The following TMC5 variants were observed in gnomAD, a reference collection of about 807,000 sequenced individuals.
TMC5 encodes transmembrane channel-like protein 5.
A neutral mutation model predicts 110.5 loss-of-function variants in TMC5; 86 were observed. That is an observed-to-expected ratio of 0.78 (90% confidence interval 0.65 to 0.93). The LOEUF (loss-of-function observed/expected upper bound fraction) is 0.93. Among genes scored for constraint, TMC5 ranks in the 40% least tolerant of loss-of-function variants. TMC5 has a pLI of 0.00. For missense variants in TMC5, 1,144 were observed against 1,222.8 expected, an observed-to-expected ratio of 0.94 and a Z score of 0.96; for synonymous variants, 455 against 439.5, an observed-to-expected ratio of 1.04 and a Z score of -0.44.
chr16:19,473,592 A>G (rs1391301029), intron 11 of TMC5, among the ~76,000 whole-genome samples: 1 of 152,122 alleles, frequency 6.6e-6, no homozygotes, highest in Non-Finnish European at 1.5e-5. Flanking sequence ...CCAATCTGCC[A>G]CTTCCTTGCT....
rs191743452 is a variant in TMC5 at position 19,424,491 on chromosome 16, A to T, written c.-307-5922A>T. On this transcript the variant is annotated intron_variant, in intron 1 of 21. Transcript: ENST00000542583. ...CATGGCAGAAACCCGTCTACAAAAA[A>T]TACGAAAATTAGACGGGCACGGTGG... Among the ~76,000 whole-genome samples, 475 of 152,270 alleles carry T rather than the reference A, an allele frequency of 3.1e-3. 2 individuals are homozygous for T. Among genetic ancestry groups the T allele is most frequent in the African/African-American group, 0.011 (438 of 41,566 alleles).
intron 19 of TMC5, among the ~76,000 whole-genome samples, chr16:19,492,926 A>ATATC (rs1968947245): frequency 8.8e-6 from 1 of 114,212 alleles, no homozygotes; most frequent in South Asian, 3.5e-4. Flanking sequence ...ATATATATAT[A>ATATC]TATATATCTC....
chr16:19,466,543 G>T (rs1160498560), intron 9 of TMC5, among the ~76,000 whole-genome samples: 1 of 152,114 alleles, frequency 6.6e-6, no homozygotes, highest in African/African-American at 2.4e-5. Flanking sequence ...ATAGAGATGG[G>T]GTTTGACCAT....
upstream of TMC5, among the ~76,000 whole-genome samples, chr16:19,417,130 G>T (rs576473144): frequency 7.2e-6 from 1 of 138,454 alleles, no homozygotes; most frequent in Non-Finnish European, 1.6e-5. Context: ...AAAGAAAAAC[G>T]TGTCCAGGCC....
At chr16:19,434,005 A>T (rs1322428901) in intron 2 of TMC5, among the ~76,000 whole-genome samples, 1 of 83,598 alleles carries the variant, frequency 1.2e-5, no homozygotes, top group Non-Finnish European at 2.2e-5. Context: ...TATATATATT[A>T]TATATATAAT....
At chr16:19,472,356 C>A in intron 11 of TMC5, 113 bp downstream of exon 11, 1 of 1,181,196 alleles carries the variant, frequency 8.5e-7, no homozygotes, top group South Asian at 1.4e-5. Context: ...CCAGCAGCAT[C>A]AGCACTAGCA....
intron 3 of TMC5, among the ~76,000 whole-genome samples, chr16:19,441,106 A>G (rs1184948948): frequency 5.3e-5 from 8 of 152,160 alleles, no homozygotes; most frequent in Non-Finnish European, 1.2e-4. Flanking sequence ...CCTGTAAGAC[A>G]TCTAGATCCA....
intron 5 of TMC5, among the ~76,000 whole-genome samples, chr16:19,451,547 G>A (rs1237516007): frequency 9.2e-5 from 14 of 152,098 alleles, no homozygotes; most frequent in Admixed American, 7.2e-4. Flanking sequence ...CACACTCAGA[G>A]TGTTTTTTCT....
In TMC5 at chr16:19,497,968, G is replaced by T. The variant is rs1456664415; in HGVS notation, c.*2G>T. On this transcript the variant is annotated 3_prime_UTR_variant, in exon 22 of 22. Coordinates refer to ENST00000542583, the MANE Select transcript of TMC5 (RefSeq NM_001261841.2). Reference sequence around the variant, plus strand: ...CAAGAAGGTAATCCAAGGGCCTGATGACTCTTTTGGTAACCAGACACCAAT... The same window carrying T: ...CAAGAAGGTAATCCAAGGGCCTGATTACTCTTTTGGTAACCAGACACCAAT... 1 of 1,613,854 alleles carries T rather than the reference G, an allele frequency of 6.2e-7. No individual in the cohort carries two copies.
At position 19,440,472 on chromosome 16, in the gene TMC5, A is replaced by G; in HGVS notation, c.434A>G (p.Asn145Ser). 1 of 1,614,150 alleles carries G rather than the reference A, an allele frequency of 6.2e-7. No individual in the cohort carries two copies. Among genetic ancestry groups the G allele is most frequent in the East Asian group, 2.2e-5 (1 of 44,884 alleles). Reference sequence around the variant, plus strand: ...TTTGCAGGCTCCAGCAGCAGTGGAAACTATGCAGGCTCCAGAACACATCCA... The same window carrying G: ...TTTGCAGGCTCCAGCAGCAGTGGAAGCTATGCAGGCTCCAGAACACATCCA... ...PDFAGSSSSG[N>S]YAGSRTHPDH... Residue 145 changes from asparagine (N) to serine (S), a missense_variant, in exon 3 of 22, where the codon AAC (asparagine) becomes AGC (serine). Physicochemically the swap from Asn to Ser is conservative, Grantham distance 46 (BLOSUM62 1). Coordinates refer to ENST00000542583, the MANE Select transcript of TMC5 (RefSeq NM_001261841.2).
At chr16:19,453,490 C>T (rs1967795398) in intron 5 of TMC5, among the ~76,000 whole-genome samples, 1 of 151,574 alleles carries the variant, frequency 6.6e-6, no homozygotes, top group African/African-American at 2.4e-5. Flanking sequence ...TCAGGAGGCT[C>T]AGGCTGGAGA....
At chr16:19,427,764 CA>C (rs1967115137) in intron 1 of TMC5, among the ~76,000 whole-genome samples, 1 of 151,754 alleles carries the variant, frequency 6.6e-6, no homozygotes, top group Non-Finnish European at 1.5e-5. Flanking sequence ...TGTGACAAAC[CA>C]AAATGTCTCC....
At chr16:19,432,069 T>C (rs1967207206) in intron 2 of TMC5, among the ~76,000 whole-genome samples, 1 of 152,192 alleles carries the variant, frequency 6.6e-6, no homozygotes, top group South Asian at 2.1e-4. Flanking sequence ...TGGCCTGGCC[T>C]TATGTTAGCT....
chr16:19,481,532 G>A, intron 15 of TMC5, 67 bp downstream of exon 15: 1 of 1,163,376 alleles, frequency 8.6e-7, no homozygotes, highest in Non-Finnish European at 1.3e-6. Context: ...TGTTTTGGTG[G>A]CAAAGTCCCA....
intron 1 of TMC5, among the ~76,000 whole-genome samples, chr16:19,429,710 G>A (rs1380283345): frequency 6.6e-6 from 1 of 152,180 alleles, no homozygotes; most frequent in Non-Finnish European, 1.5e-5. Context: ...AGGTGCCTGG[G>A]AATGAGCGAT....
intron 5 of TMC5, among the ~76,000 whole-genome samples, chr16:19,451,369 A>G (rs1597181524): frequency 6.6e-6 from 1 of 152,126 alleles, no homozygotes; most frequent in East Asian, 1.9e-4. Context: ...GGAGGGTTAG[A>G]TATTGCTACT....
intron 1 of TMC5, among the ~76,000 whole-genome samples, chr16:19,423,783 T>C (rs1967034258): frequency 6.6e-6 from 1 of 152,022 alleles, no homozygotes; most frequent in African/African-American, 2.4e-5. Context: ...ACAGAATCTT[T>C]CTCTGTTACC....
Position 19,460,286 on chromosome 16 carries a change from A to G in TMC5, c.1100A>G (p.Lys367Arg). ...LIPMTSRDRI[K>R]AIRNQPRTME... ...CCCATGACATCCAGAGACAGAATTA[A>G]AGCCATCAGGAACCAGCCAAGGACC... Residue 367 changes from lysine to arginine, a missense_variant, in exon 6 of 22, where the codon AAA (lysine) becomes AGA (arginine). By Grantham distance (26) the Lys-to-Arg change is conservative. Coordinates refer to ENST00000542583, the MANE Select transcript of TMC5 (RefSeq NM_001261841.2). 12 of 1,613,898 alleles carry G rather than the reference A, an allele frequency of 7.4e-6. No homozygotes were observed. Among genetic ancestry groups the G allele is most frequent in the Non-Finnish European group, 1.0e-5 (12 of 1,179,834 alleles).
chr16:19,465,119 C>T (rs202035327), intron 8 of TMC5, among the ~76,000 whole-genome samples: 10 of 49,874 alleles, frequency 2.0e-4, no homozygotes, highest in Non-Finnish European at 7.0e-4. Flanking sequence ...CTTCCTCCCT[C>T]CCTCCCTCCC....
Sources: gnomAD v4.1 joint callset for allele counts (sites outside exome capture counted in the v4.1 genomes callset) on GRCh38, gnomAD v4.1.1 for gene constraint, MANE v1.5 for transcripts, NCBI Gene and HGNC (gene_info 2026-07-23, HGNC 2026-07-21) for gene names.